Variants in PHACTR1 observed in about 807,000 individuals in gnomAD.
PHACTR1 encodes RPEL repeat containing 1.
In PHACTR1, 16 loss-of-function variants were observed where a neutral mutation model predicts 69.2. The ratio of observed to expected loss-of-function variants is 0.23; its 90% CI spans 0.16 to 0.35. The LOEUF (loss-of-function observed/expected upper bound fraction) is 0.35, where lower values mean the gene tolerates loss of function less well. Ranked by LOEUF, PHACTR1 falls within the 10% of genes least tolerant of loss-of-function variation. The pLI, the probability that PHACTR1 is intolerant of heterozygous loss-of-function variation, is 1.00. For missense variants in PHACTR1, 510 were observed against 734.7 expected, an observed-to-expected ratio of 0.69 and a Z score of 3.54; for synonymous variants, 312 against 284.5, an observed-to-expected ratio of 1.10 and a Z score of -0.97.
chr6:13,267,838 GAAAAAAAAA>G (rs558900640), intron 10 of PHACTR1: 4 of 101,054 alleles, frequency 4.0e-5, no homozygotes, highest in African/African-American at 2.1e-4. Context: ...GGAATGATCT[GAAAAAAAAA>G]AAAAAAAAAA....
chr6:13,127,047 G>T (rs1819642245), intron 5 of PHACTR1, among the ~76,000 whole-genome samples: 1 of 152,196 alleles, frequency 6.6e-6, no homozygotes, highest in African/African-American at 2.4e-5. Context: ...CTTATATGCT[G>T]AATTGGACAG....
At chr6:12,918,690 A>G (rs933339670) in intron 4 of PHACTR1, among the ~76,000 whole-genome samples, 2 of 152,256 alleles carry the variant, frequency 1.3e-5, no homozygotes, top group African/African-American at 4.8e-5. Flanking sequence ...GCCTCATCAT[A>G]TAAAATCACT....
chr6:13,016,791 A>G (rs1359076023), intron 4 of PHACTR1, among the ~76,000 whole-genome samples: 1 of 152,222 alleles, frequency 6.6e-6, no homozygotes, highest in African/African-American at 2.4e-5. Context: ...TTTTGGTTCA[A>G]TACTAAAGCT....
At position 13,283,160 on chromosome 6, in the gene PHACTR1, A is replaced by T. The variant is rs1297106759; in HGVS notation, c.1510-262A>T. 9 of 198,278 alleles carry T rather than the reference A, an allele frequency of 4.5e-5. No homozygotes were observed. The highest frequency in any genetic ancestry group is 7.0e-5 in the Non-Finnish European group (9 of 128,176). 12.3% of individuals were successfully genotyped at this position (198,278 alleles called of 1,614,324 possible). On this transcript the variant is annotated intron_variant, in intron 12 of 14. Transcript: ENST00000332995. The surrounding 1 kb of genome is among the most constrained non-coding windows in gnomAD (Gnocchi z 4.7). ...TAATAAAAGATTTTTTTTAAGTTTAAAAAAAAAAAGAGCTTGGCCTAGAGG... is the reference window on the plus strand; with the variant it reads ...TAATAAAAGATTTTTTTTAAGTTTATAAAAAAAAAGAGCTTGGCCTAGAGG...
At chr6:12,903,374 A>C (rs1016492278) in intron 4 of PHACTR1, among the ~76,000 whole-genome samples, 3 of 152,240 alleles carry the variant, frequency 2.0e-5, no homozygotes, top group African/African-American at 7.2e-5. Context: ...CTAAAATAGC[A>C]TTAGTCCAAA....
At chr6:13,005,759 T>C (rs1250626852) in intron 4 of PHACTR1, among the ~76,000 whole-genome samples, 1 of 152,118 alleles carries the variant, frequency 6.6e-6, no homozygotes, top group Admixed American at 6.5e-5. Context: ...ACGTCATATT[T>C]CCCATGGAAG....
chr6:12,770,656 T>C (rs1769265933), intron 4 of PHACTR1, among the ~76,000 whole-genome samples: 1 of 152,194 alleles, frequency 6.6e-6, no homozygotes, highest in East Asian at 1.9e-4. Flanking sequence ...TTACAGATGA[T>C]CTGCAGTGCA....
At chr6:12,815,840 A>C (rs1015828120) in intron 4 of PHACTR1, among the ~76,000 whole-genome samples, 2 of 152,152 alleles carry the variant, frequency 1.3e-5, no homozygotes, top group African/African-American at 2.4e-5. Flanking sequence ...GAAGGTTTTC[A>C]TGAAAAAAAG....
chr6:12,805,681 A>G (rs1044742191), intron 4 of PHACTR1, among the ~76,000 whole-genome samples: 3 of 150,680 alleles, frequency 2.0e-5, no homozygotes, highest in Non-Finnish European at 4.4e-5. Context: ...GCTCACTGCA[A>G]CCTCCACCTC....
intron 8 of PHACTR1, among the ~76,000 whole-genome samples, chr6:13,217,283 A>G (rs1767829878): frequency 1.3e-5 from 2 of 152,174 alleles, no homozygotes; most frequent in South Asian, 4.1e-4. Context: ...TTAACTGATG[A>G]AGAGCCAAAC....
At chr6:13,032,750 A>G (rs1170850278) in intron 4 of PHACTR1, among the ~76,000 whole-genome samples, 1 of 151,916 alleles carries the variant, frequency 6.6e-6, no homozygotes, top group African/African-American at 2.4e-5. Context: ...CGAGGACTAT[A>G]GGCATGCAAC....
intron 4 of PHACTR1, among the ~76,000 whole-genome samples, chr6:12,881,195 A>G (rs1783060840): frequency 6.6e-6 from 1 of 152,002 alleles, no homozygotes; most frequent in African/African-American, 2.4e-5. Context: ...CGGCAGATGT[A>G]AAAAAGGAAG....
At chr6:13,087,947 A>C (rs533029368) in intron 5 of PHACTR1, among the ~76,000 whole-genome samples, 4 of 152,262 alleles carry the variant, frequency 2.6e-5, no homozygotes, top group African/African-American at 9.6e-5. Flanking sequence ...ACACCCAGCC[A>C]AAAGCACACA....
At chr6:13,073,429 C>G (rs545975247) in intron 5 of PHACTR1, among the ~76,000 whole-genome samples, 1 of 142,498 alleles carries the variant, frequency 7.0e-6, no homozygotes, top group South Asian at 2.3e-4. Flanking sequence ...CTGCAGTCTC[C>G]ACCTCTTGGG....
chr6:12,770,384 C>T (rs1769228567), intron 4 of PHACTR1, among the ~76,000 whole-genome samples: 1 of 152,082 alleles, frequency 6.6e-6, no homozygotes, highest in African/African-American at 2.4e-5. Flanking sequence ...GAGATACAGA[C>T]AAAGCATCAC....
intron 9 of PHACTR1, among the ~76,000 whole-genome samples, chr6:13,228,268 C>T (rs752675336): frequency 2.0e-5 from 3 of 152,070 alleles, no homozygotes; most frequent in Non-Finnish European, 2.9e-5. Context: ...CCTCTAAATG[C>T]CCTCCTTAAA....
intron 4 of PHACTR1, among the ~76,000 whole-genome samples, chr6:12,931,366 G>A (rs1025505311): frequency 1.3e-5 from 2 of 152,156 alleles, no homozygotes; most frequent in African/African-American, 2.4e-5. Context: ...CCTACCTGCA[G>A]GGAAAGTTGG....
rs115095773 is a variant in PHACTR1 at position 13,039,026 on chromosome 6, A to G, written c.251-14339A>G. 5.4e-3 allele frequency among the ~76,000 whole-genome samples: 816 copies of G among 152,330 alleles called. 10 individuals carry two copies. Among genetic ancestry groups the G allele is most frequent in the African/African-American group, 0.019 (778 of 41,568 alleles). ...AGTTCATATCTCATTGGTAAAAGCT[A>G]TAATAGGCCACACCTACCCTCAGAG... On this transcript the variant is annotated intron_variant, in intron 4 of 14. Coordinates refer to ENST00000332995, the MANE Select transcript of PHACTR1 (RefSeq NM_030948.6).
At chr6:13,207,065 A>C (rs2113881809) in intron 8 of PHACTR1, among the ~76,000 whole-genome samples, 1 of 152,352 alleles carries the variant, frequency 6.6e-6, no homozygotes, top group East Asian at 1.9e-4. Context: ...ACACACATGC[A>C]TGCACACATG....
Sources: gnomAD v4.1 joint callset for allele counts (sites outside exome capture counted in the v4.1 genomes callset) on GRCh38, gnomAD v4.1.1 for gene constraint, Gnocchi (gnomAD v3.1) non-coding constraint, MANE v1.5 for transcripts, NCBI Gene and HGNC (gene_info 2026-07-23, HGNC 2026-07-21) for gene names.